Variants in STEAP3 observed in about 807,000 individuals in gnomAD.
STEAP3 encodes the protein metalloreductase STEAP3.
STEAP3 carries 35 observed loss-of-function variants against 34.9 expected under a neutral mutation model. That is an observed-to-expected ratio of 1.00 (90% confidence interval 0.76 to 1.33). STEAP3 has a LOEUF of 1.33. STEAP3 is among the 40% of genes most tolerant of loss of function. STEAP3 has a pLI of 0.00. For missense variants in STEAP3, 652 were observed against 667.6 expected, an observed-to-expected ratio of 0.98 and a Z score of 0.26; for synonymous variants, 281 against 301.6, an observed-to-expected ratio of 0.93 and a Z score of 0.71.
intron 2 of STEAP3, among the ~76,000 whole-genome samples, chr2:119,236,146 C>T (rs191780473): frequency 6.6e-5 from 10 of 152,252 alleles, no homozygotes; most frequent in African/African-American, 2.4e-4. Flanking sequence ...CAGAGAACAC[C>T]GTGTATTGAT....
At position 119,245,680 on chromosome 2, in the gene STEAP3, A is replaced by G; in HGVS notation, c.214A>G (p.Lys72Glu). 1.2e-6 allele frequency: 2 copies of G among 1,613,650 alleles called. No homozygotes were observed. The highest frequency in any genetic ancestry group is 1.7e-6 in the Non-Finnish European group (2 of 1,179,608). Residue 72 changes from lysine (K) to glutamate (E), a missense_variant, in exon 3 of 6, where the codon AAA becomes GAA. Lys to Glu is a moderately conservative substitution (Grantham distance 56, BLOSUM62 1). Coordinates refer to ENST00000393110, the MANE Select transcript of STEAP3 (RefSeq NM_182915.3). ...AGTGGTGGTGGGGAGCCGCAACCCC[A>G]AACGCACAGCCAGGCTGTTTCCCTC... ...FKVVVGSRNPKRTARLFPSAA... is the reference protein window; with the variant it reads ...FKVVVGSRNPERTARLFPSAA...
At chr2:119,250,416 G>A (rs749576095) in intron 4 of STEAP3, among the ~76,000 whole-genome samples, 1 of 152,214 alleles carries the variant, frequency 6.6e-6, no homozygotes, top group Non-Finnish European at 1.5e-5. Flanking sequence ...AGGCCCTGAT[G>A]TGTAGATCAA....
At chr2:119,234,353 G>A (rs1001093626) in intron 2 of STEAP3, among the ~76,000 whole-genome samples, 2 of 152,198 alleles carry the variant, frequency 1.3e-5, no homozygotes, top group Non-Finnish European at 2.9e-5. Context: ...AGCTCCAGAC[G>A]CTGAGGCTGC....
At chr2:119,233,034 A>T (rs1049659976) in intron 2 of STEAP3, among the ~76,000 whole-genome samples, 1 of 152,242 alleles carries the variant, frequency 6.6e-6, no homozygotes, top group Non-Finnish European at 1.5e-5. Context: ...GGAAGTGGCC[A>T]GAGACATAGA....
At chr2:119,227,202 G>T (rs541781143) in intron 1 of STEAP3, among the ~76,000 whole-genome samples, 2 of 152,228 alleles carry the variant, frequency 1.3e-5, no homozygotes, top group Middle Eastern at 3.4e-3. Flanking sequence ...AGTGAGCAAG[G>T]ATGCAAAACC....
intron 2 of STEAP3, among the ~76,000 whole-genome samples, chr2:119,234,815 C>T (rs947154345): frequency 2.0e-5 from 3 of 152,150 alleles, no homozygotes; most frequent in African/African-American, 7.2e-5. Flanking sequence ...CTTGAGCATG[C>T]CCCACCCGCC....
Position 119,247,713 on chromosome 2 carries a change from G to A in STEAP3, c.557G>A (p.Arg186His), listed in dbSNP as rs763722603. The A allele has an allele frequency of 2.1e-5, 32 of 1,557,048 alleles. 1 individual carries two copies. Among genetic ancestry groups the A allele is most frequent in the African/African-American group, 5.4e-5 (4 of 73,532 alleles). ...PICGDQPEAKRAVSEMALAMG... is the reference protein window; with the variant it reads ...PICGDQPEAKHAVSEMALAMG... ...TGCGGTGACCAGCCAGAAGCCAAGC[G>A]TGCTGTCTCGGAGATGGCGCTCGCC... Residue 186 changes from arginine to histidine, a missense_variant, in exon 4 of 6, where the codon CGT (arginine) becomes CAT (histidine). Transcript: ENST00000393110.
chr2:119,233,132 C>T (rs961086098), intron 2 of STEAP3, among the ~76,000 whole-genome samples: 9 of 152,210 alleles, frequency 5.9e-5, no homozygotes, highest in African/African-American at 2.2e-4. Context: ...ACACCCCCAC[C>T]TAATGGGGAC....
At position 119,263,572 on chromosome 2, in the gene STEAP3, C is replaced by A; in HGVS notation, c.*234C>A. On this transcript the variant is annotated 3_prime_UTR_variant, in exon 6 of 6. Transcript: ENST00000393110. ...TAACAGGATTTGCAATTATACATAG[C>A]TAGCTAAAAAGTTGGGTCTCTGAGA... 1.6e-6 allele frequency: 1 copy of A among 627,120 alleles called. No individual in the cohort carries two copies. The highest frequency in any genetic ancestry group is 2.8e-6 in the Non-Finnish European group (1 of 363,294). 38.8% of individuals were successfully genotyped at this position (627,120 alleles called of 1,614,324 possible). A position where few individuals can be genotyped will look rare whatever the true frequency, so the allele number is the denominator to read the frequency against.
In STEAP3 at chr2:119,231,003, C is replaced by G; in HGVS notation, c.-10C>G. 1 of 1,614,248 alleles carries G rather than the reference C, an allele frequency of 6.2e-7. No homozygotes were observed. Among genetic ancestry groups the G allele is most frequent in the Non-Finnish European group, 8.5e-7 (1 of 1,180,052 alleles). ...GTGACCTGAGAGCCTCAGACCCTCA[C>G]GTCAGCCGGATGTCGCACCAGCCTG... On this transcript the variant is annotated 5_prime_UTR_variant, in exon 2 of 6. Transcript: ENST00000393110.
intron 5 of STEAP3, chr2:119,257,677 C>T (rs962113462): frequency 1.4e-6 from 2 of 1,421,518 alleles, no homozygotes; most frequent in African/African-American, 2.9e-5. Flanking sequence ...CAGTGGCATG[C>T]TGGCTTTTGA....
chr2:119,237,618 A>C (rs1329371527), intron 2 of STEAP3, among the ~76,000 whole-genome samples: 1 of 152,182 alleles, frequency 6.6e-6, no homozygotes, highest in African/African-American at 2.4e-5. Flanking sequence ...AAATCCATCC[A>C]ATGACATAGG....
chr2:119,249,529 C>T (rs1172113908), intron 4 of STEAP3, among the ~76,000 whole-genome samples: 1 of 152,164 alleles, frequency 6.6e-6, no homozygotes, highest in Non-Finnish European at 1.5e-5. Flanking sequence ...ACTTCTCATC[C>T]ACCCCTCATT....
chr2:119,262,086 C>A (rs1178724552), intron 5 of STEAP3, among the ~76,000 whole-genome samples: 1 of 152,154 alleles, frequency 6.6e-6, no homozygotes, highest in Non-Finnish European at 1.5e-5. Context: ...TGTTCTGGGG[C>A]TTTCTATACG....
chr2:119,231,977 T>G (rs1310000810), intron 2 of STEAP3, among the ~76,000 whole-genome samples: 1 of 152,034 alleles, frequency 6.6e-6, no homozygotes, highest in East Asian at 1.9e-4. Flanking sequence ...TGGGATCAGG[T>G]GGGGCTTCCT....
chr2:119,232,406 C>T (rs771938463), intron 2 of STEAP3, among the ~76,000 whole-genome samples: 6 of 152,318 alleles, frequency 3.9e-5, no homozygotes, highest in South Asian at 2.1e-4. Context: ...GCACGATCCC[C>T]GACTTCGCCT....
At chr2:119,261,468 T>C (rs958527664) in intron 5 of STEAP3, among the ~76,000 whole-genome samples, 1 of 151,978 alleles carries the variant, frequency 6.6e-6, no homozygotes, top group African/African-American at 2.4e-5. Flanking sequence ...CTCCCAAAGC[T>C]CTCAGTGGCT....
intron 4 of STEAP3, among the ~76,000 whole-genome samples, chr2:119,253,154 C>T (rs1208876694): frequency 1.3e-5 from 2 of 152,164 alleles, no homozygotes; most frequent in Non-Finnish European, 2.9e-5. Context: ...GAATTTCAGA[C>T]ATGACCTCAT....
At chr2:119,257,663 C>A in intron 5 of STEAP3, 1 of 1,432,942 alleles carries the variant, frequency 7.0e-7, no homozygotes, top group Non-Finnish European at 9.2e-7. Flanking sequence ...ATGCGTGCAG[C>A]CAACAGTGGC....
Sources: gnomAD v4.1 joint callset for allele counts (sites outside exome capture counted in the v4.1 genomes callset) on GRCh38, gnomAD v4.1.1 for gene constraint, MANE v1.5 for transcripts, NCBI Gene and HGNC (gene_info 2026-07-23, HGNC 2026-07-21) for gene names.